The following CACNA2D1 variants were observed in gnomAD, a reference collection of about 807,000 sequenced individuals.
The protein encoded by CACNA2D1 is voltage-dependent calcium channel subunit alpha-2/delta-1.
CACNA2D1 carries 53 observed loss-of-function variants against 171.5 expected under a neutral mutation model. The observed-to-expected ratio is 0.31, with a 90% CI of 0.25 to 0.39. The LOEUF is 0.39. Ranked by LOEUF, CACNA2D1 falls within the 10% of genes least tolerant of loss-of-function variation. The pLI is 1.00. For missense variants in CACNA2D1, 903 were observed against 1,299.8 expected (o/e 0.69, Z 4.69); for synonymous variants, 442 against 443.1 (o/e 1.00, Z 0.03).
chr7:82,399,689 C>T (rs1248510809), intron 1 of CACNA2D1, among the ~76,000 whole-genome samples: 1 of 139,344 alleles, frequency 7.2e-6, no homozygotes, highest in African/African-American at 2.7e-5. Context: ...TCCCACTCCC[C>T]ACCCCCCCAG....
At chr7:81,968,119 T>C (rs1003818602) in intron 29 of CACNA2D1, among the ~76,000 whole-genome samples, 5 of 151,310 alleles carry the variant, frequency 3.3e-5, no homozygotes, top group African/African-American at 1.2e-4. Flanking sequence ...AATTGAGCAA[T>C]TGAGTGAATG....
chr7:82,383,069 C>T (rs1208399046), intron 1 of CACNA2D1, among the ~76,000 whole-genome samples: 2 of 152,046 alleles, frequency 1.3e-5, no homozygotes. Flanking sequence ...ATCTAGTAAC[C>T]TAAAAGTCAG....
intron 2 of CACNA2D1, among the ~76,000 whole-genome samples, chr7:82,341,073 A>AT (rs921855084): frequency 6.6e-4 from 100 of 151,422 alleles, no homozygotes; most frequent in Middle Eastern, 6.8e-3. Flanking sequence ...TGGGTTATAC[A>AT]TTTTTTTTTC....
chr7:82,174,216 C>A (rs1796335497), intron 3 of CACNA2D1, among the ~76,000 whole-genome samples: 2 of 151,150 alleles, frequency 1.3e-5, no homozygotes, highest in African/African-American at 4.8e-5. Context: ...TATGGCACAG[C>A]ATAATATAGT....
chr7:82,366,902 C>A (rs1001929316), intron 1 of CACNA2D1, among the ~76,000 whole-genome samples: 4 of 100,234 alleles, frequency 4.0e-5, no homozygotes, highest in Non-Finnish European at 7.2e-5. Context: ...CTGGTTTTGA[C>A]CTTTTTTTTT....
intron 6 of CACNA2D1, among the ~76,000 whole-genome samples, chr7:82,109,639 C>G (rs2129046193): frequency 6.6e-6 from 1 of 152,198 alleles, no homozygotes; most frequent in South Asian, 2.1e-4. Flanking sequence ...GACTGTTGTT[C>G]ATGAAACAAG....
At chr7:82,435,645 T>C (rs916996454) in intron 1 of CACNA2D1, among the ~76,000 whole-genome samples, 2 of 152,180 alleles carry the variant, frequency 1.3e-5, no homozygotes, top group Non-Finnish European at 2.9e-5. Context: ...TCTGGTTCAG[T>C]GAATGCTGCA....
intron 25 of CACNA2D1, among the ~76,000 whole-genome samples, chr7:81,974,242 C>T (rs1213015659): frequency 6.6e-6 from 1 of 151,882 alleles, no homozygotes; most frequent in Non-Finnish European, 1.5e-5. Context: ...AATATATTAC[C>T]TTGTTTTGAA....
intron 38 of CACNA2D1, among the ~76,000 whole-genome samples, chr7:81,955,494 T>C (rs1793128484): frequency 6.6e-6 from 1 of 152,178 alleles, no homozygotes; most frequent in Admixed American, 6.6e-5. Flanking sequence ...TTCACTGTTC[T>C]ATACAGATAA....
intron 3 of CACNA2D1, among the ~76,000 whole-genome samples, chr7:82,241,693 A>T (rs1804311208): frequency 6.6e-6 from 1 of 151,808 alleles, no homozygotes; most frequent in African/African-American, 2.4e-5. Flanking sequence ...TTAAGGATGC[A>T]TGGAAGGGAG....
chr7:82,373,758 G>C (rs1188080560), intron 1 of CACNA2D1, among the ~76,000 whole-genome samples: 2 of 152,140 alleles, frequency 1.3e-5, no homozygotes, highest in East Asian at 1.9e-4. Flanking sequence ...TTTTCCTATT[G>C]TGTTTTCAAG....
At chr7:82,246,356 T>C (rs914042973) in intron 3 of CACNA2D1, among the ~76,000 whole-genome samples, 1 of 152,156 alleles carries the variant, frequency 6.6e-6, no homozygotes, top group Admixed American at 6.6e-5. Context: ...AAAGTGAATG[T>C]AGTTCATCTC....
intron 5 of CACNA2D1, among the ~76,000 whole-genome samples, chr7:82,134,654 A>G (rs1005645940): frequency 6.6e-6 from 1 of 152,204 alleles, no homozygotes; most frequent in Non-Finnish European, 1.5e-5. Context: ...TATCCTAAGC[A>G]TAAATATATA....
intron 3 of CACNA2D1, among the ~76,000 whole-genome samples, chr7:82,256,806 A>G (rs952985109): frequency 6.6e-6 from 1 of 152,190 alleles, no homozygotes; most frequent in Non-Finnish European, 1.5e-5. Flanking sequence ...ACGAATCTCT[A>G]AGGCATTTAA....
chr7:82,161,528 T>A (rs1367041536), intron 4 of CACNA2D1, among the ~76,000 whole-genome samples: 2 of 151,958 alleles, frequency 1.3e-5, no homozygotes, highest in Non-Finnish European at 2.9e-5. Flanking sequence ...ATTTTGGAGT[T>A]GGAATTGACA....
At chr7:82,322,165 A>T (rs935081004) in intron 3 of CACNA2D1, among the ~76,000 whole-genome samples, 2 of 149,970 alleles carry the variant, frequency 1.3e-5, no homozygotes, top group African/African-American at 4.9e-5. Flanking sequence ...CAAGCTAAGC[A>T]ACAATAATGG....
intron 3 of CACNA2D1, among the ~76,000 whole-genome samples, chr7:82,325,565 G>A (rs1300511195): frequency 1.3e-5 from 2 of 152,094 alleles, no homozygotes; most frequent in Non-Finnish European, 2.9e-5. Context: ...TTATTGAGAT[G>A]CCATGGAGCT....
chr7:82,069,597 C>T (rs1808071050), intron 7 of CACNA2D1, among the ~76,000 whole-genome samples: 1 of 152,096 alleles, frequency 6.6e-6, no homozygotes, highest in African/African-American at 2.4e-5. Context: ...CAGGTATTTA[C>T]TTGTGCATTA....
rs1334331378 is a variant in CACNA2D1 at position 82,322,455 on chromosome 7, A to AAAAG, written c.294+12679_294+12680insCTTT. On this transcript the variant is annotated intron_variant, in intron 3 of 38. Coordinates refer to ENST00000356860, the MANE Select transcript of CACNA2D1 (RefSeq NM_000722.4). ...AACTGGAAGATCCTGGCTTTACAAA[A>AAAAG]AAAAAAAAAAAAAAAATTAAAATTA... is the stretch of plus-strand genomic sequence containing the variant. Among the ~76,000 whole-genome samples the AAAAG allele has an allele frequency of 9.4e-4, 120 of 127,568 alleles. 1 individual carries two copies. The highest frequency in any genetic ancestry group is 3.1e-3 in the African/African-American group (115 of 36,518). 83.7% of individuals were successfully genotyped at this position (127,568 alleles called of 152,430 possible).
Sources: allele counts gnomAD v4.1 joint callset (sites outside exome capture counted in the v4.1 genomes callset), GRCh38; gene constraint gnomAD v4.1.1; transcripts MANE v1.5; gene names NCBI Gene and HGNC (gene_info 2026-07-23, HGNC 2026-07-21).